ASCC2: variants seen among roughly 807,000 people sequenced by gnomAD.
ASCC2 encodes ASC-1 complex subunit P100.
Under a neutral mutation model 93.5 loss-of-function variants are expected in ASCC2, and 42 were observed. The observed-to-expected ratio is 0.45, with a 90% CI of 0.35 to 0.58. The LOEUF (loss-of-function observed/expected upper bound fraction) is 0.58, where lower values mean the gene tolerates loss of function less well. Among genes scored for constraint, ASCC2 ranks in the 20% least tolerant of loss-of-function variants. The pLI is 0.00. For missense variants in ASCC2, 859 were observed against 977.6 expected (o/e 0.88, Z 1.62); for synonymous variants, 364 against 384.2 (o/e 0.95, Z 0.62).
intron 1 of ASCC2, among the ~76,000 whole-genome samples, chr22:29,835,419 A>T (rs528763331): frequency 2.6e-4 from 39 of 151,898 alleles, no homozygotes; most frequent in African/African-American, 3.6e-4. Context: ...AAAAAAAAAA[A>T]ATTTTTTTTC....
At chr22:29,830,588 C>T (rs912537822) in intron 2 of ASCC2, among the ~76,000 whole-genome samples, 1 of 152,204 alleles carries the variant, frequency 6.6e-6, no homozygotes, top group Admixed American at 6.5e-5. Context: ...AGCCTCCCTG[C>T]CCCTACACAC....
chr22:29,823,579 G>A (rs2148193993), intron 4 of ASCC2, among the ~76,000 whole-genome samples: 1 of 152,312 alleles, frequency 6.6e-6, no homozygotes, highest in East Asian at 1.9e-4. Context: ...CAGGCGCGAT[G>A]GCTCGCGCCG....
chr22:29,793,730 G>A (rs2058072205), intron 15 of ASCC2, 54 bp from the exon 16 acceptor site: 24 of 1,504,868 alleles, frequency 1.6e-5, no homozygotes, highest in Non-Finnish European at 1.9e-5. Flanking sequence ...TTGGAAGGCC[G>A]CAGGGTACGG....
intron 5 of ASCC2, 156 bp downstream of exon 5, chr22:29,822,179 A>C (rs922366053): frequency 3.6e-5 from 32 of 886,898 alleles, no homozygotes; most frequent in Non-Finnish European, 4.8e-5. Context: ...AGTCATTTTG[A>C]GGTGACACTC....
At chr22:29,808,239 C>G in intron 8 of ASCC2, 54 bp from the exon 9 acceptor site, 1 of 1,560,366 alleles carries the variant, frequency 6.4e-7, no homozygotes, top group Non-Finnish European at 8.8e-7. Context: ...TACCACACTT[C>G]ATAAGAACAT....
chr22:29,808,971 T>A (rs1044940695), intron 8 of ASCC2, among the ~76,000 whole-genome samples: 6 of 151,676 alleles, frequency 4.0e-5, no homozygotes, highest in Admixed American at 3.3e-4. Context: ...AATACAAAAA[T>A]TAGCCAGAAG....
At chr22:29,801,927 G>A (rs1289001239) in intron 14 of ASCC2, 67 bp downstream of exon 14, 11 of 1,350,316 alleles carry the variant, frequency 8.1e-6, no homozygotes, top group African/African-American at 2.9e-5. Context: ...AGGGAAGGAA[G>A]AGAGGAAGGG....
At position 29,801,059 on chromosome 22, in the gene ASCC2, GA is replaced by G; in HGVS notation, c.1619del (p.Phe540SerfsTer14). The G allele has an allele frequency of 6.2e-7, 1 of 1,609,716 alleles. No homozygotes were observed. The highest frequency in any genetic ancestry group is 8.5e-7 in the Non-Finnish European group (1 of 1,176,476). The stretch of plus-strand genomic sequence containing the variant: ...TGAACACATCAAACTCGTCATTCTG[GA>G]AGACGTTGTGGCGAGACGTCAGCAG... ...TPLLTSRHNV[F>X]QNDEFDVFSR... On this transcript the variant is annotated frameshift_variant, in exon 15 of 20. Transcript: ENST00000307790. LOFTEE classifies it high-confidence loss of function.
At chr22:29,789,814 G>A (rs991269672) in intron 19 of ASCC2, among the ~76,000 whole-genome samples, 2 of 152,192 alleles carry the variant, frequency 1.3e-5, no homozygotes, top group Non-Finnish European at 1.5e-5. Flanking sequence ...GCCTAGGGCC[G>A]GGATGCGGGA....
At chr22:29,830,119 T>C (rs986807506) in intron 2 of ASCC2, among the ~76,000 whole-genome samples, 2 of 152,160 alleles carry the variant, frequency 1.3e-5, no homozygotes, top group African/African-American at 4.8e-5. Flanking sequence ...CCCAATTTAG[T>C]GCTGCTGTTG....
At chr22:29,827,184 G>A (rs1244715866) in intron 2 of ASCC2, among the ~76,000 whole-genome samples, 9 of 133,566 alleles carry the variant, frequency 6.7e-5, no homozygotes, top group East Asian at 2.2e-4. Flanking sequence ...TTATTTTTTT[G>A]TAAGTAAGTC....
At chr22:29,790,416 C>G in intron 19 of ASCC2, 53 bp downstream of exon 19, 1 of 1,599,306 alleles carries the variant, frequency 6.3e-7, no homozygotes. Flanking sequence ...CTGGCTAGGC[C>G]CTCCCCAGAT....
At chr22:29,804,033 G>A (rs1162533305) in intron 13 of ASCC2, among the ~76,000 whole-genome samples, 1 of 152,230 alleles carries the variant, frequency 6.6e-6, no homozygotes, top group African/African-American at 2.4e-5. Context: ...GCTGCCAAGT[G>A]GCAGAACCAG....
intron 18 of ASCC2, among the ~76,000 whole-genome samples, chr22:29,791,861 C>T (rs1412255553): frequency 6.6e-6 from 1 of 152,214 alleles, no homozygotes; most frequent in Non-Finnish European, 1.5e-5. Context: ...AGCGCAGTCC[C>T]CACCAGGCCC....
intron 2 of ASCC2, among the ~76,000 whole-genome samples, chr22:29,831,093 C>A (rs1026919541): frequency 3.3e-5 from 5 of 152,212 alleles, no homozygotes; most frequent in Non-Finnish European, 7.3e-5. Flanking sequence ...AAATCTAGTT[C>A]CTCAGTCCAC....
In ASCC2 at chr22:29,793,518, G is replaced by A. The variant is rs755648404; in HGVS notation, c.1789-28C>T. 3 of 1,614,026 alleles carry A rather than the reference G, an allele frequency of 1.9e-6. No individual in the cohort carries two copies. In the South Asian group the frequency reaches 3.3e-5, roughly 18 times the overall value. ...GCAATGGCATAAGCATGGGTCTGGG[G>A]GGCTCAGGGGCTGGCCTGGTTTCCC... On this transcript the variant is annotated intron_variant, in intron 16 of 19. Coordinates refer to ENST00000307790, the MANE Select transcript of ASCC2 (RefSeq NM_032204.5).
At chr22:29,793,787 A>T (rs2058077115) in intron 15 of ASCC2, 111 bp from the exon 16 acceptor site, 5 of 988,196 alleles carry the variant, frequency 5.1e-6, no homozygotes, top group African/African-American at 3.2e-5. Context: ...TCAGACTGTC[A>T]CGGAGACAAA....
At chr22:29,824,311 T>C (rs2062009682) in intron 4 of ASCC2, among the ~76,000 whole-genome samples, 1 of 150,690 alleles carries the variant, frequency 6.6e-6, no homozygotes, top group Non-Finnish European at 1.5e-5. Context: ...ACAAATTCCC[T>C]GAAGAAATAT....
chr22:29,816,312 A>C (rs1224090265), intron 5 of ASCC2, among the ~76,000 whole-genome samples: 1 of 152,142 alleles, frequency 6.6e-6, no homozygotes, highest in African/African-American at 2.4e-5. Context: ...TTAACCTTTT[A>C]AGTACCTCTG....
Sources: allele counts gnomAD v4.1 joint callset (sites outside exome capture counted in the v4.1 genomes callset), GRCh38; gene constraint gnomAD v4.1.1; transcripts MANE v1.5; gene names NCBI Gene and HGNC (gene_info 2026-07-23, HGNC 2026-07-21).